ABCA1: variants seen among roughly 807,000 people sequenced by gnomAD.
The protein encoded by ABCA1 is phospholipid-transporting ATPase ABCA1.
ABCA1 carries 133 observed loss-of-function variants against 262.5 expected under a neutral mutation model. The observed-to-expected ratio is 0.51, with a 90% CI of 0.44 to 0.59. The LOEUF (loss-of-function observed/expected upper bound fraction) is 0.59. ABCA1 is among the 20% of genes least tolerant of loss of function. ABCA1 has a pLI of 0.00. For missense variants in ABCA1, 2,452 were observed against 2,777.5 expected, an observed-to-expected ratio of 0.88 and a Z score of 2.63; for synonymous variants, 1,022 against 1,043.5, an observed-to-expected ratio of 0.98 and a Z score of 0.40.
At chr9:104,804,752 C>G in intron 31 of ABCA1, 32 bp from the exon 32 acceptor site, 1 of 1,549,998 alleles carries the variant, frequency 6.5e-7, no homozygotes, top group South Asian at 1.1e-5. Context: ...GCATACGGGT[C>G]TTTATAGACA....
chr9:104,856,210 C>G (rs1158066310), intron 7 of ABCA1: 1 of 1,408,678 alleles, frequency 7.1e-7, no homozygotes, highest in Non-Finnish European at 9.3e-7. Context: ...GTAAGAGTCA[C>G]ATTTCAAAAT....
chr9:104,785,341 C>G lies in ABCA1; in HGVS notation c.6645+55G>C, dbSNP rs1331924. ...CTCTTGGACCTATGGGCGGGAGTGTCGGGGCAGGAATCCACACCCTGAGAA... is the reference window on the plus strand; with the variant it reads ...CTCTTGGACCTATGGGCGGGAGTGTGGGGGCAGGAATCCACACCCTGAGAA... On this transcript the variant is annotated intron_variant, in intron 49 of 49. Coordinates refer to ENST00000374736, the MANE Select transcript of ABCA1 (RefSeq NM_005502.4). The G allele has an allele frequency of 0.15, 248,182 of 1,607,818 alleles. 23,192 individuals are homozygous for G. The highest frequency in any genetic ancestry group is 0.38 in the African/African-American group (28,295 of 74,828).
intron 16 of ABCA1, 44 bp from the exon 17 acceptor site, chr9:104,825,931 C>A (rs1832775886): frequency 6.3e-7 from 1 of 1,598,604 alleles, no homozygotes; most frequent in East Asian, 2.2e-5. Flanking sequence ...CCTGGTCAGT[C>A]TCATTTTTCT....
At chr9:104,881,706 C>T (rs1177200138) in intron 5 of ABCA1, among the ~76,000 whole-genome samples, 5 of 152,144 alleles carry the variant, frequency 3.3e-5, no homozygotes, top group African/African-American at 7.2e-5. Context: ...TGCCTCTGGT[C>T]AATCAGCAGG....
At chr9:104,832,802 A>G in intron 11 of ABCA1, 31 bp from the exon 12 acceptor site, 9 of 1,603,110 alleles carry the variant, frequency 5.6e-6, no homozygotes, top group Non-Finnish European at 7.7e-6. Flanking sequence ...TACAAGTAGT[A>G]AACACCAACT....
In ABCA1 at chr9:104,798,555, A is replaced by C; in HGVS notation, c.4987T>G (p.Phe1663Val). ...VDVLVSICVI[F>V]AMSFVPASFV... Reference sequence around the variant, plus strand: ...CTGGCTGGGACGAAGGACATTGCAAAGATGACACAGATGGACACAAGGACA... The same window carrying C: ...CTGGCTGGGACGAAGGACATTGCAACGATGACACAGATGGACACAAGGACA... Residue 1663 changes from phenylalanine to valine, a missense_variant, in exon 37 of 50, where the codon TTT (phenylalanine) becomes GTT (valine). Physicochemically the swap from Phe to Val is conservative, Grantham distance 50 (BLOSUM62 -1). Around this residue, in one of 4 missense-constraint regions of ABCA1, gnomAD observed 752 missense variants for 944.5 expected, o/e 0.80. Coordinates refer to ENST00000374736, the MANE Select transcript of ABCA1 (RefSeq NM_005502.4). The C allele has an allele frequency of 6.2e-7, 1 of 1,614,202 alleles. No individual in the cohort carries two copies. The highest frequency in any genetic ancestry group is 8.5e-7 in the Non-Finnish European group (1 of 1,180,030).
At chr9:104,913,945 G>A (rs574595140) in intron 1 of ABCA1, among the ~76,000 whole-genome samples, 27 of 141,616 alleles carry the variant, frequency 1.9e-4, no homozygotes, top group Middle Eastern at 3.9e-3. Flanking sequence ...ACCGACAGCC[G>A]CCTGCCAACA....
At chr9:104,860,694 T>G (rs1227655840) in intron 6 of ABCA1, among the ~76,000 whole-genome samples, 1 of 152,032 alleles carries the variant, frequency 6.6e-6, no homozygotes, top group African/African-American at 2.4e-5. Context: ...GGAAGTTTTC[T>G]ATGATTCTAA....
chr9:104,896,812 C>T (rs3983644), intron 2 of ABCA1, among the ~76,000 whole-genome samples: 35,668 of 141,636 alleles, frequency 0.25, 4,511 homozygotes, highest in South Asian at 0.41. Context: ...CTCACTGCAG[C>T]CTTGACCACC....
intron 43 of ABCA1, among the ~76,000 whole-genome samples, chr9:104,791,557 G>T (rs1829428084): frequency 6.6e-6 from 1 of 152,112 alleles, no homozygotes; most frequent in Non-Finnish European, 1.5e-5. Flanking sequence ...CTCCCGAGTA[G>T]CTGGGACTAC....
Position 104,792,981 on chromosome 9 carries a change from T to C in ABCA1, c.5637-75A>G, listed in dbSNP as rs376152006. ...CAAAGATTCAGTCTCTAACGTAGTA[T>C]TATAAAACCTACTTGCCACAGTCTC... On this transcript the variant is annotated intron_variant, in intron 41 of 49. Coordinates refer to ENST00000374736, the MANE Select transcript of ABCA1 (RefSeq NM_005502.4). 16 of 1,607,982 alleles carry C rather than the reference T, an allele frequency of 1.0e-5. No homozygotes were observed. In the East Asian group the frequency reaches 1.1e-4, roughly 11 times the overall value.
chr9:104,791,303 C>A (rs1422099186), intron 43 of ABCA1, among the ~76,000 whole-genome samples: 1 of 152,136 alleles, frequency 6.6e-6, no homozygotes, highest in Non-Finnish European at 1.5e-5. Context: ...CAAATTGCAC[C>A]ACCTACTCTG....
At chr9:104,877,726 T>C (rs1031734606) in intron 5 of ABCA1, among the ~76,000 whole-genome samples, 11 of 152,324 alleles carry the variant, frequency 7.2e-5, no homozygotes, top group Non-Finnish European at 1.5e-4. Context: ...GCAGCTAATC[T>C]TCAGGTAAAC....
chr9:104,854,995 C>G (rs1176779060), intron 7 of ABCA1: 1 of 257,410 alleles, frequency 3.9e-6, no homozygotes, highest in Non-Finnish European at 6.1e-6. Flanking sequence ...GCTCTTAACC[C>G]CAGGGAACTT....
intron 25 of ABCA1, 136 bp from the exon 26 acceptor site, chr9:104,814,611 C>A: frequency 1.1e-6 from 1 of 918,004 alleles, no homozygotes. Flanking sequence ...TTCTTAATAA[C>A]ACTTTCTCAG....
chr9:104,848,833 T>G (rs986245101), intron 7 of ABCA1, among the ~76,000 whole-genome samples: 5 of 152,190 alleles, frequency 3.3e-5, no homozygotes, highest in African/African-American at 1.2e-4. Flanking sequence ...CTTCAGACTC[T>G]GAAGCAGTGA....
intron 5 of ABCA1, among the ~76,000 whole-genome samples, chr9:104,881,709 T>C (rs1838671459): frequency 6.6e-6 from 1 of 152,086 alleles, no homozygotes; most frequent in Admixed American, 6.6e-5. Flanking sequence ...CTCTGGTCAA[T>C]CAGCAGGGGC....
chr9:104,808,308 C>T (rs1830976366), intron 30 of ABCA1, among the ~76,000 whole-genome samples: 1 of 152,260 alleles, frequency 6.6e-6, no homozygotes, highest in South Asian at 2.1e-4. Context: ...TCCTACAGAG[C>T]CTTCCTAAGC....
intron 8 of ABCA1, 104 bp downstream of exon 8, chr9:104,845,373 T>G (rs1477955203): frequency 6.5e-6 from 5 of 767,708 alleles, no homozygotes; most frequent in Non-Finnish European, 1.2e-5. Flanking sequence ...TGATATTACA[T>G]CCCATGTGAT....
Sources: gnomAD v4.1 joint callset for allele counts (sites outside exome capture counted in the v4.1 genomes callset) on GRCh38, gnomAD v4.1.1 for gene constraint, gnomAD v4.1.1 regional missense constraint, MANE v1.5 for transcripts, NCBI Gene and HGNC (gene_info 2026-07-23, HGNC 2026-07-21) for gene names.